IQSEC3: variants seen among roughly 807,000 people sequenced by gnomAD.
The protein encoded by IQSEC3 is IQ motif and Sec7 domain ArfGEF 3.
Under a neutral mutation model 105.4 loss-of-function variants are expected in IQSEC3, and 50 were observed. The ratio of observed to expected loss-of-function variants is 0.47; its 90% CI spans 0.38 to 0.60. The LOEUF (loss-of-function observed/expected upper bound fraction) is 0.60, where lower values mean the gene tolerates loss of function less well. IQSEC3 is among the 20% of genes least tolerant of loss of function. IQSEC3 has a pLI of 0.00. For missense variants in IQSEC3, 1,415 were observed against 1,630.0 expected, an observed-to-expected ratio of 0.87 and a Z score of 2.27; for synonymous variants, 708 against 746.0, an observed-to-expected ratio of 0.95 and a Z score of 0.83.
At chr12:100,373 G>T (rs1359119531) in intron 2 of IQSEC3, among the ~76,000 whole-genome samples, 3 of 152,176 alleles carry the variant, frequency 2.0e-5, no homozygotes, top group South Asian at 2.1e-4. Flanking sequence ...CCATTTTCAG[G>T]TTTAAGATCC....
At chr12:147,269 C>G (rs1445152950) in intron 5 of IQSEC3, among the ~76,000 whole-genome samples, 2 of 152,078 alleles carry the variant, frequency 1.3e-5, no homozygotes, top group Non-Finnish European at 2.9e-5. Flanking sequence ...CGTTTGTGAC[C>G]AAGCAGGCCG....
intron 5 of IQSEC3, among the ~76,000 whole-genome samples, chr12:153,826 G>A (rs372698283): frequency 3.3e-5 from 5 of 152,154 alleles, no homozygotes; most frequent in South Asian, 2.1e-4. Context: ...TTTAAAAGCC[G>A]CAGTGAGGCC....
intron 2 of IQSEC3, among the ~76,000 whole-genome samples, chr12:102,813 G>T (rs929992420): frequency 1.3e-5 from 2 of 152,214 alleles, no homozygotes; most frequent in South Asian, 4.1e-4. Context: ...AAGGGAGGGC[G>T]TCAGCGATCT....
At chr12:141,331 C>T (rs1555089216) in intron 5 of IQSEC3, 46 bp downstream of exon 5, 1 of 1,582,790 alleles carries the variant, frequency 6.3e-7, no homozygotes, top group Non-Finnish European at 8.6e-7. Context: ...TCCCACACCC[C>T]ACCTGCCCGG....
intron 4 of IQSEC3, chr12:139,989 G>GAAAGGAAGC (rs1179772658): frequency 2.0e-5 from 3 of 152,256 alleles, no homozygotes; most frequent in African/African-American, 7.2e-5. Context: ...CCAAGCAGAG[G>GAAAGGAAGC]AAAGGAAGCA....
At chr12:169,668 C>G (rs1235277040) in intron 12 of IQSEC3, among the ~76,000 whole-genome samples, 1 of 152,194 alleles carries the variant, frequency 6.6e-6, no homozygotes, top group Non-Finnish European at 1.5e-5. Flanking sequence ...CTCACTCCAG[C>G]CGAGTCACAC....
At chr12:151,485 A>G (rs997709795) in intron 5 of IQSEC3, among the ~76,000 whole-genome samples, 2 of 152,046 alleles carry the variant, frequency 1.3e-5, no homozygotes, top group African/African-American at 4.8e-5. Context: ...CCCAAGCCCC[A>G]TTATCTGTAG....
chr12:111,165 T>C (rs1322101674), intron 2 of IQSEC3, among the ~76,000 whole-genome samples: 6 of 151,726 alleles, frequency 4.0e-5, no homozygotes, highest in Admixed American at 2.0e-4. Flanking sequence ...AACATGGGGG[T>C]TAATTCACTA....
chr12:106,076 C>T (rs890416551), intron 2 of IQSEC3, among the ~76,000 whole-genome samples: 3 of 152,204 alleles, frequency 2.0e-5, no homozygotes, highest in Admixed American at 1.3e-4. Flanking sequence ...TACTAGCCAC[C>T]ATGTCCTGAG....
intron 1 of IQSEC3, among the ~76,000 whole-genome samples, chr12:98,148 T>C (rs1183903969): frequency 7.9e-5 from 12 of 152,230 alleles, no homozygotes; most frequent in Admixed American, 7.8e-4. Flanking sequence ...GGACGGCAAC[T>C]GCTTATTAAG....
chr12:168,993 C>G lies in IQSEC3; in HGVS notation c.2972-20C>G. 1 of 1,607,434 alleles carries G rather than the reference C, an allele frequency of 6.2e-7. No individual in the cohort carries two copies. Among genetic ancestry groups the G allele is most frequent in the Non-Finnish European group, 8.5e-7 (1 of 1,174,022 alleles). On this transcript the variant is annotated intron_variant, in intron 11 of 13. Transcript: ENST00000538872. ...TTGAGGTTAAGGTTTCTCTTGCTCA[C>G]GGGCCTCTGCATTCCTTAGGGGAGC...
chr12:86,420 A>G (rs192078980), intron 1 of IQSEC3, among the ~76,000 whole-genome samples: 75 of 152,228 alleles, frequency 4.9e-4, no homozygotes, highest in Non-Finnish European at 7.6e-4. Flanking sequence ...TAATACTGTG[A>G]GGCTTTGGAG....
chr12:162,229 T>C (rs1342509784), intron 8 of IQSEC3, among the ~76,000 whole-genome samples, 164 bp downstream of exon 8: 2 of 152,200 alleles, frequency 1.3e-5, no homozygotes, highest in African/African-American at 4.8e-5. Flanking sequence ...TCTTTTTTTT[T>C]TTCTTGCCTG....
intron 5 of IQSEC3, chr12:147,825 G>A (rs1004069714): frequency 6.6e-6 from 1 of 152,298 alleles, no homozygotes; most frequent in South Asian, 2.1e-4. Context: ...AAACTGATTC[G>A]TAAGTCTCAA....
intron 9 of IQSEC3, among the ~76,000 whole-genome samples, chr12:164,271 C>T (rs1867065062): frequency 2.0e-5 from 3 of 152,134 alleles, no homozygotes; most frequent in Admixed American, 2.0e-4. Flanking sequence ...AACCACCTCT[C>T]ACCACCTCCA....
At position 177,228 on chromosome 12, in the gene IQSEC3, A is replaced by T. The variant is rs1000503249; in HGVS notation, c.*2195A>T. 2.3e-5 allele frequency: 2 copies of T among 87,530 alleles called. No individual in the cohort carries two copies. Among genetic ancestry groups the T allele is most frequent in the African/African-American group, 3.9e-5 (1 of 25,344 alleles). The allele number at this position is 87,530 out of a possible 1,614,324, so 5.4% of individuals were successfully genotyped here. On this transcript the variant is annotated 3_prime_UTR_variant, in exon 14 of 14. Coordinates refer to ENST00000538872, the MANE Select transcript of IQSEC3 (RefSeq NM_001170738.2). This position sits in a 1 kb window ranked among gnomAD's most constrained non-coding sequence, Gnocchi z 5.3. ...ACAGCTCTTCAAGCTTACCAAGGAC[A>T]GGCAGAACCCCGTCCCCTGCTCACA... is the stretch of plus-strand genomic sequence containing the variant.
intron 2 of IQSEC3, among the ~76,000 whole-genome samples, chr12:103,413 C>T (rs1276627428): frequency 1.2e-5 from 1 of 86,954 alleles, no homozygotes; most frequent in Non-Finnish European, 2.4e-5. Flanking sequence ...CGAAGTGGGG[C>T]TCAAGATGGA....
At position 171,155 on chromosome 12, in the gene IQSEC3, G is replaced by C; in HGVS notation, c.3108G>C (p.Thr1036=). The C allele has an allele frequency of 6.2e-7, 1 of 1,614,084 alleles. No individual in the cohort carries two copies. The highest frequency in any genetic ancestry group is 8.5e-7 in the Non-Finnish European group (1 of 1,179,994). The part of the protein sequence containing the change: ...AALRERPAES[T]VEVSIHNRLQ... ...TCAGGGAGAGGCCGGCGGAGAGCAC[G>C]GTGGAGGTAAGTGGAGCCCTGGTTG... Residue 1036 remains threonine, a synonymous_variant, in exon 13 of 14, where the codon ACG becomes ACC. Coordinates refer to ENST00000538872, the MANE Select transcript of IQSEC3 (RefSeq NM_001170738.2).
At chr12:143,223 T>C in intron 5 of IQSEC3, 1 of 152,666 alleles carries the variant, frequency 6.6e-6, no homozygotes, top group Non-Finnish European at 1.5e-5. Flanking sequence ...GGCTGGGGGC[T>C]GGGGGCTGGG....
Sources: gnomAD v4.1 joint callset for allele counts (sites outside exome capture counted in the v4.1 genomes callset) on GRCh38, gnomAD v4.1.1 for gene constraint, Gnocchi (gnomAD v3.1) non-coding constraint, MANE v1.5 for transcripts, NCBI Gene and HGNC (gene_info 2026-07-23, HGNC 2026-07-21) for gene names.